The following FAM13A variants were observed in gnomAD, a reference collection of about 807,000 sequenced individuals.
FAM13A encodes protein FAM13A.
A neutral mutation model predicts 129.6 loss-of-function variants in FAM13A; 76 were observed. The ratio of observed to expected loss-of-function variants is 0.59; its 90% CI spans 0.49 to 0.71. FAM13A has a LOEUF of 0.71. Ranked by LOEUF, FAM13A falls within the 30% of genes least tolerant of loss-of-function variation. FAM13A has a pLI of 0.00. For missense variants in FAM13A, 1,108 were observed against 1,249.3 expected (o/e 0.89, Z 1.70); for synonymous variants, 443 against 449.9 (o/e 0.98, Z 0.20).
chr4:88,739,528 A>G (rs918284357), intron 19 of FAM13A, among the ~76,000 whole-genome samples: 7 of 151,240 alleles, frequency 4.6e-5, no homozygotes, highest in Non-Finnish European at 7.4e-5. Flanking sequence ...TAATCCCAGC[A>G]CTTTGGGAGG....
At chr4:88,875,751 G>A (rs1389560366) in intron 6 of FAM13A, among the ~76,000 whole-genome samples, 1 of 152,168 alleles carries the variant, frequency 6.6e-6, no homozygotes, top group African/African-American at 2.4e-5. Context: ...CAAGGATCTA[G>A]AACTAGAAAT....
Position 88,822,090 on chromosome 4 carries a change from T to TA in FAM13A, c.1008-17039dup, listed in dbSNP as rs1252617944. Among the ~76,000 whole-genome samples, 7 of 152,362 alleles carry TA rather than the reference T, an allele frequency of 4.6e-5. No homozygotes were observed. In the East Asian group the frequency reaches 9.6e-4, roughly 21 times the overall value. ...ACTATTTGATTTAAAATTTTTTTTT[T>TA]ACTAATAAAACCTTCTATAGTTTTC... On this transcript the variant is annotated intron_variant, in intron 7 of 23. Coordinates refer to ENST00000264344, the MANE Select transcript of FAM13A (RefSeq NM_014883.4).
intron 1 of FAM13A, among the ~76,000 whole-genome samples, chr4:89,043,176 A>T (rs932823647): frequency 2.6e-5 from 4 of 152,242 alleles, no homozygotes; most frequent in Admixed American, 6.5e-5. Context: ...CACTGTCAGA[A>T]GGAGCTGAAC....
Position 89,002,173 on chromosome 4 carries a change from C to T in FAM13A, c.428-11023G>A, listed in dbSNP as rs576284579. On this transcript the variant is annotated intron_variant, in intron 3 of 23. Coordinates refer to ENST00000264344, the MANE Select transcript of FAM13A (RefSeq NM_014883.4). ...ATACTTAAAAAGTGTAAGCACCCAACGGCAAAAAAAAAAAAAAAAAAGAAC... is the reference window on the plus strand; with the variant it reads ...ATACTTAAAAAGTGTAAGCACCCAATGGCAAAAAAAAAAAAAAAAAAGAAC... Among the ~76,000 whole-genome samples the T allele has an allele frequency of 5.3e-4, 42 of 79,248 alleles. 1 individual carries two copies. In the South Asian group the frequency reaches 0.015, roughly 29 times the overall value. The allele number at this position is 79,248 out of a possible 152,430, so 52.0% of individuals were successfully genotyped here.
intron 6 of FAM13A, among the ~76,000 whole-genome samples, chr4:88,868,223 C>A (rs903873839): frequency 6.6e-6 from 1 of 152,124 alleles, no homozygotes; most frequent in African/African-American, 2.4e-5. Flanking sequence ...ACTTCATGAG[C>A]GGAGGCCCCA....
intron 1 of FAM13A, among the ~76,000 whole-genome samples, chr4:89,050,935 A>C (rs1771512288): frequency 6.6e-6 from 1 of 152,168 alleles, no homozygotes; most frequent in African/African-American, 2.4e-5. Context: ...TCTCCAAAAA[A>C]AAAGAACTAC....
Position 88,746,480 on chromosome 4 carries a change from T to C in FAM13A, c.2466+452A>G, listed in dbSNP as rs575350354. Among the ~76,000 whole-genome samples the C allele has an allele frequency of 3.7e-4, 56 of 152,314 alleles. No homozygotes were observed. In the South Asian group the frequency reaches 0.011, roughly 30 times the overall value. On this transcript the variant is annotated intron_variant, in intron 19 of 23. Transcript: ENST00000264344. ...CTTTACAAACACTAGTTGCACTGCA[T>C]TGCAGAGAGATTGAATTCTAAGGCA...
At chr4:88,874,871 C>G (rs200454850) in intron 6 of FAM13A, among the ~76,000 whole-genome samples, 4 of 152,128 alleles carry the variant, frequency 2.6e-5, no homozygotes, top group Non-Finnish European at 5.9e-5. Flanking sequence ...GGAGGCATCA[C>G]GCTACCTGAC....
At chr4:88,788,154 C>T (rs1724359780) in intron 9 of FAM13A, among the ~76,000 whole-genome samples, 1 of 152,190 alleles carries the variant, frequency 6.6e-6, no homozygotes, top group South Asian at 2.1e-4. Context: ...ACAACTTTCT[C>T]ATCTTTGTGA....
rs79934588 is a variant in FAM13A at position 89,039,683 on chromosome 4, G to A, written c.28-10034C>T. ...AGGCCGAGGCAGAAGGATCACTTGA[G>A]GCAAGGAGTTTGAGACCTCTATATA... On this transcript the variant is annotated intron_variant, in intron 1 of 23. Transcript: ENST00000264344. Among the ~76,000 whole-genome samples, 350 of 152,190 alleles carry A rather than the reference G, an allele frequency of 2.3e-3. 4 individuals carry two copies. The East Asian group carries it at 0.024, about 10-fold the overall frequency.
chr4:88,900,851 G>A (rs1747179231), intron 6 of FAM13A, among the ~76,000 whole-genome samples: 1 of 152,134 alleles, frequency 6.6e-6, no homozygotes, highest in Non-Finnish European at 1.5e-5. Context: ...ACACAGAATG[G>A]CAAGCTGGAT....
chr4:88,864,377 T>G (rs988772669), intron 6 of FAM13A, among the ~76,000 whole-genome samples: 1 of 152,202 alleles, frequency 6.6e-6, no homozygotes, highest in Non-Finnish European at 1.5e-5. Context: ...TAAATCAAGA[T>G]GATTGCTAGC....
At chr4:88,840,370 A>C (rs1735616882) in intron 7 of FAM13A, among the ~76,000 whole-genome samples, 1 of 152,226 alleles carries the variant, frequency 6.6e-6, no homozygotes, top group Non-Finnish European at 1.5e-5. Flanking sequence ...AACGGAGAAG[A>C]GGAATATGGT....
intron 4 of FAM13A, among the ~76,000 whole-genome samples, chr4:88,945,780 G>GTTGTATATATATATATAAGTATATATATA (rs1356039943): frequency 6.7e-5 from 8 of 119,796 alleles, no homozygotes; most frequent in African/African-American, 3.0e-4. Flanking sequence ...ATACTATGTG[G>GTTGTATATATATATATAAGTATATATATA]TTGTATATAT....
At position 89,007,091 on chromosome 4, in the gene FAM13A, C is replaced by T. The variant is rs567137044; in HGVS notation, c.427+13369G>A. 7.6e-4 allele frequency among the ~76,000 whole-genome samples: 116 copies of T among 152,236 alleles called. 1 individual carries two copies. The highest frequency in any genetic ancestry group is 1.1e-3 in the Non-Finnish European group (74 of 68,016). Reference sequence around the variant, plus strand: ...AGGGTGGAGCCCTCACCAGGGACTCCGCTCTCCTGCCTCTTGTCCGTATCA... The same window carrying T: ...AGGGTGGAGCCCTCACCAGGGACTCTGCTCTCCTGCCTCTTGTCCGTATCA... On this transcript the variant is annotated intron_variant, in intron 3 of 23. Coordinates refer to ENST00000264344, the MANE Select transcript of FAM13A (RefSeq NM_014883.4).
chr4:89,034,712 T>C (rs1386652209), intron 1 of FAM13A, among the ~76,000 whole-genome samples: 17 of 152,110 alleles, frequency 1.1e-4, no homozygotes, highest in Admixed American at 6.5e-4. Context: ...CGAAACCCCA[T>C]CTCTACTAAA....
At chr4:88,947,070 A>G (rs1405328133) in intron 4 of FAM13A, among the ~76,000 whole-genome samples, 1 of 152,164 alleles carries the variant, frequency 6.6e-6, no homozygotes, top group Non-Finnish European at 1.5e-5. Flanking sequence ...ATTGTTTTGG[A>G]CTAAGCACCT....
At chr4:88,893,690 C>T (rs868258655) in intron 6 of FAM13A, among the ~76,000 whole-genome samples, 4 of 150,344 alleles carry the variant, frequency 2.7e-5, no homozygotes, top group African/African-American at 7.4e-5. Context: ...TGGTGGCGGG[C>T]GCCTGTAGTC....
intron 6 of FAM13A, among the ~76,000 whole-genome samples, chr4:88,887,345 CAG>C (rs947690942): frequency 2.0e-5 from 3 of 151,962 alleles, no homozygotes; most frequent in African/African-American, 7.3e-5. Flanking sequence ...AAACTGCAAA[CAG>C]AAAAATTTTA....
Sources: allele counts gnomAD v4.1 joint callset (sites outside exome capture counted in the v4.1 genomes callset), GRCh38; gene constraint gnomAD v4.1.1; transcripts MANE v1.5; gene names NCBI Gene and HGNC (gene_info 2026-07-23, HGNC 2026-07-21).